Variants in FAM118B observed in about 807,000 individuals in gnomAD.
FAM118B encodes the protein protein FAM118B.
Under a neutral mutation model 38.5 loss-of-function variants are expected in FAM118B, and 24 were observed. The ratio of observed to expected loss-of-function variants is 0.62; its 90% confidence interval spans 0.45 to 0.88. The LOEUF is 0.88. Among genes scored for constraint, FAM118B ranks in the 40% least tolerant of loss-of-function variants. FAM118B has a pLI of 0.00. For missense variants in FAM118B, 334 were observed against 420.0 expected (o/e 0.80, Z 1.79); for synonymous variants, 138 against 156.3 (o/e 0.88, Z 0.87).
Position 126,244,579 on chromosome 11 carries a change from G to A in FAM118B, c.339+3535G>A, listed in dbSNP as rs188682012. On this transcript the variant is annotated intron_variant, in intron 4 of 8. Transcript: ENST00000533050. This position sits in a 1 kb window ranked among gnomAD's most constrained non-coding sequence, Gnocchi z 4.5. ...AGCGCTTTGGGAGGCCGAGGTGGGCGGATCACCTGAGGTCGGGAGGTAGAG... is the reference window on the plus strand; with the variant it reads ...AGCGCTTTGGGAGGCCGAGGTGGGCAGATCACCTGAGGTCGGGAGGTAGAG... Among the ~76,000 whole-genome samples the A allele has an allele frequency of 2.9e-3, 438 of 152,272 alleles. 7 individuals carry two copies. Among genetic ancestry groups the A allele is most frequent in the Non-Finnish European group, 5.0e-4 (34 of 68,030 alleles).
intron 5 of FAM118B, 96 bp from the exon 6 acceptor site, chr11:126,254,209 A>G (rs1356534185): frequency 4.2e-6 from 6 of 1,426,004 alleles, no homozygotes; most frequent in Non-Finnish European, 5.7e-6. Flanking sequence ...AGTTTATGTC[A>G]GAAGTCTAGT....
intron 2 of FAM118B, among the ~76,000 whole-genome samples, chr11:126,230,828 CTTT>C (rs1950199034): frequency 6.6e-6 from 1 of 152,186 alleles, no homozygotes; most frequent in South Asian, 2.1e-4. Flanking sequence ...AGCTTGCTAT[CTTT>C]TTAGCACCAA....
chr11:126,222,991 CT>C (rs1464471601), intron 1 of FAM118B, among the ~76,000 whole-genome samples: 3 of 149,780 alleles, frequency 2.0e-5, no homozygotes, highest in African/African-American at 7.4e-5. Context: ...GAAAACCAGG[CT>C]ACAGATGGTA....
At chr11:126,261,835 T>C (rs149080794) in intron 8 of FAM118B, among the ~76,000 whole-genome samples, 1 of 151,904 alleles carries the variant, frequency 6.6e-6, no homozygotes, top group Non-Finnish European at 1.5e-5. Context: ...CAAAAAAAAT[T>C]TTTTTAAATT....
chr11:126,218,731 A>G (rs1950016446), intron 1 of FAM118B, among the ~76,000 whole-genome samples: 1 of 152,122 alleles, frequency 6.6e-6, no homozygotes, highest in African/African-American at 2.4e-5. Context: ...GGCCATTACT[A>G]TAGGGTGGCT....
chr11:126,249,585 G>T (rs1002628041), intron 4 of FAM118B, among the ~76,000 whole-genome samples: 1 of 152,074 alleles, frequency 6.6e-6, no homozygotes, highest in African/African-American at 2.4e-5. Context: ...ACAAAAATTA[G>T]CTGAGCACAG....
chr11:126,240,107 C>G (rs1025439003), intron 3 of FAM118B, among the ~76,000 whole-genome samples: 4 of 152,156 alleles, frequency 2.6e-5, no homozygotes, highest in African/African-American at 9.7e-5. Flanking sequence ...AAAATTAGCA[C>G]CCATGCTGTC....
In FAM118B at chr11:126,256,697, T is replaced by C. The variant is rs148896304; in HGVS notation, c.827T>C (p.Met276Thr). The change falls in exon 7 of 9, where the codon ATG becomes ACG. Residue 276 changes from methionine (M) to threonine (T), a missense_variant. By Grantham distance (81) the Met-to-Thr change is moderately conservative (BLOSUM62 -1). Coordinates refer to ENST00000533050, the MANE Select transcript of FAM118B (RefSeq NM_024556.4). This position sits in a 1 kb window ranked among gnomAD's most constrained non-coding sequence, Gnocchi z 6.6. ...CATAAATCTGACCTAGAACATTTCA[T>C]GCTGGTTCGGAGAGGAGACGTAGAT... ...VKHKSDLEHF[M>T]LVRRGDVDEF... 3.1e-6 allele frequency: 5 copies of C among 1,614,090 alleles called. No individual in the cohort carries two copies. The African/African-American group carries it at 5.3e-5, about 17-fold the overall frequency.
Position 126,256,734 on chromosome 11 carries a change from G to A in FAM118B, c.864G>A (p.Lys288=). The change falls in exon 7 of 9, where the codon AAG becomes AAA. Residue 288 remains lysine (K), a synonymous_variant. Coordinates refer to ENST00000533050, the MANE Select transcript of FAM118B (RefSeq NM_024556.4). The surrounding 1 kb of genome is among the most constrained non-coding windows in gnomAD (Gnocchi z 6.6). ...VRRGDVDEFK[K]LRENMLDKGI... is the part of the protein sequence containing the mutation. ...GAGGAGACGTAGATGAGTTCAAAAA[G>A]CTTCGAGAAAACATGCTGGACAAGG... 6.2e-7 allele frequency: 1 copy of A among 1,614,106 alleles called. No individual in the cohort carries two copies. Among genetic ancestry groups the A allele is most frequent in the Non-Finnish European group, 8.5e-7 (1 of 1,180,030 alleles).
Position 126,247,866 on chromosome 11 carries a change from A to AAAT in FAM118B, c.340-2639_340-2638insATA, listed in dbSNP as rs1555054820. Among the ~76,000 whole-genome samples the AAAT allele has an allele frequency of 4.8e-5, 7 of 144,944 alleles. No homozygotes were observed. The South Asian group carries it at 6.4e-4, about 13-fold the overall frequency. The stretch of plus-strand genomic sequence containing the variant: ...GATCGAGACTCCATCTCAAAAAAAA[A>AAAT]ATATATATATATATCTATATATATA... On this transcript the variant is annotated intron_variant, in intron 4 of 8. Coordinates refer to ENST00000533050, the MANE Select transcript of FAM118B (RefSeq NM_024556.4).
intron 3 of FAM118B, among the ~76,000 whole-genome samples, chr11:126,240,353 A>G (rs1015564774): frequency 1.3e-5 from 2 of 150,986 alleles, no homozygotes; most frequent in African/African-American, 4.9e-5. Flanking sequence ...AGTGTTTTAC[A>G]TTTCTCAATA....
In FAM118B at chr11:126,219,349, C is replaced by CTTTTTTTTTTTT. The variant is rs549922825; in HGVS notation, c.-77+7548_-77+7559dup. 1.1e-3 allele frequency among the ~76,000 whole-genome samples: 50 copies of CTTTTTTTTTTTT among 44,468 alleles called. 4 individuals are homozygous for CTTTTTTTTTTTT. The highest frequency in any genetic ancestry group is 2.2e-3 in the South Asian group (2 of 920). 29.2% of individuals were successfully genotyped at this position (44,468 alleles called of 152,430 possible). A position where few individuals can be genotyped will look rare whatever the true frequency, so the allele number is the denominator to read the frequency against. ...AGCTTATCCTTCAGCTCTTGTTTAT[C>CTTTTTTTTTTTT]TTTTTTTTTTTTTTTTTTTTTTTTT... is the stretch of plus-strand genomic sequence containing the variant. On this transcript the variant is annotated intron_variant, in intron 1 of 8. Coordinates refer to ENST00000533050, the MANE Select transcript of FAM118B (RefSeq NM_024556.4).
At chr11:126,214,503 G>GTTTTTGT (rs1555048584) in intron 1 of FAM118B, 4 of 28,260 alleles carry the variant, frequency 1.4e-4, no homozygotes, top group African/African-American at 2.7e-4. Flanking sequence ...TTTTTTTTTT[G>GTTTTTGT]TTTTTTTTTT....
chr11:126,230,562 C>T (rs1950195527), intron 2 of FAM118B, among the ~76,000 whole-genome samples: 2 of 152,160 alleles, frequency 1.3e-5, no homozygotes, highest in East Asian at 1.9e-4. Context: ...CAGCAAGAAA[C>T]GTACCACTTT....
chr11:126,229,768 C>T (rs766241708), intron 2 of FAM118B, among the ~76,000 whole-genome samples: 13 of 152,246 alleles, frequency 8.5e-5, no homozygotes, highest in Non-Finnish European at 1.8e-4. Flanking sequence ...CCTGGAATAC[C>T]AGTATGATTT....
chr11:126,246,359 A>G (rs373122239), intron 4 of FAM118B, among the ~76,000 whole-genome samples: 4 of 152,204 alleles, frequency 2.6e-5, no homozygotes, highest in African/African-American at 9.6e-5. Context: ...GGGAAGTGAC[A>G]TTACAGATTC....
chr11:126,261,290 C>G, intron 7 of FAM118B, 135 bp from the exon 8 acceptor site: 2 of 672,522 alleles, frequency 3.0e-6, no homozygotes, highest in South Asian at 3.8e-5. Flanking sequence ...CTTATCTTCT[C>G]AATGATTGTT....
In FAM118B at chr11:126,250,610, A is replaced by T; in HGVS notation, c.444A>T (p.Ser148=). ...MEDSGKQLLQ[S]VLHLMENGAL... ...ATTCTGGAAAACAGCTACTTCAGTCAGTTCTCCACCTGATGGAAAATGGAG... is the reference window on the plus strand; with the variant it reads ...ATTCTGGAAAACAGCTACTTCAGTCTGTTCTCCACCTGATGGAAAATGGAG... The change falls in exon 5 of 9, where the codon TCA becomes TCT. Residue 148 remains serine, a synonymous_variant. Transcript: ENST00000533050. The surrounding 1 kb of genome is among the most constrained non-coding windows in gnomAD (Gnocchi z 5.1). 6.2e-7 allele frequency: 1 copy of T among 1,613,978 alleles called. No homozygotes were observed. Among genetic ancestry groups the T allele is most frequent in the Non-Finnish European group, 8.5e-7 (1 of 1,179,810 alleles).
rs1167270217 is a variant in FAM118B, at chr11:126,250,032, A to G, written c.340-474A>G. Among the ~76,000 whole-genome samples, 1 of 152,020 alleles carries G rather than the reference A, an allele frequency of 6.6e-6. No individual in the cohort carries two copies. The highest frequency in any genetic ancestry group is 6.6e-5 in the Admixed American group (1 of 15,266). ...CTAAGCATTGTGCTAAGCACTTGGC[A>G]TGTATCATCTCATCTTCCTTATTAC... On this transcript the variant is annotated intron_variant, in intron 4 of 8. Coordinates refer to ENST00000533050, the MANE Select transcript of FAM118B (RefSeq NM_024556.4). The surrounding 1 kb of genome is among the most constrained non-coding windows in gnomAD (Gnocchi z 5.1).
Sources: allele counts gnomAD v4.1 joint callset (sites outside exome capture counted in the v4.1 genomes callset), GRCh38; gene constraint gnomAD v4.1.1; non-coding constraint Gnocchi (gnomAD v3.1); transcripts MANE v1.5; gene names NCBI Gene and HGNC (gene_info 2026-07-23, HGNC 2026-07-21).